Variants in CHN2 observed in about 807,000 individuals in gnomAD.
CHN2 encodes chimerin 2, also known as beta-chimaerin.
In CHN2, 35 loss-of-function variants were observed where a neutral mutation model predicts 56.3. The ratio of observed to expected loss-of-function variants is 0.62; its 90% confidence interval spans 0.47 to 0.82. CHN2 has a LOEUF of 0.82. Ranked by LOEUF, CHN2 falls within the 40% of genes least tolerant of loss-of-function variation. CHN2 has a pLI of 0.00. For missense variants in CHN2, 491 were observed against 580.5 expected (o/e 0.85, Z 1.58); for synonymous variants, 210 against 212.8 (o/e 0.99, Z 0.12).
At chr7:29,278,127 C>G (rs186217914) in intron 1 of CHN2, among the ~76,000 whole-genome samples, 1 of 152,264 alleles carries the variant, frequency 6.6e-6, no homozygotes, top group Non-Finnish European at 1.5e-5. Flanking sequence ...TTCAGCTGCC[C>G]CTTGGAGTCA....
chr7:29,252,838 A>G (rs1015999531), intron 1 of CHN2, among the ~76,000 whole-genome samples: 2 of 130,484 alleles, frequency 1.5e-5, no homozygotes, highest in Non-Finnish European at 3.3e-5. Context: ...CTCATGATCC[A>G]CCCGCCTCGG....
At chr7:29,251,500 G>A (rs1440172906) in intron 1 of CHN2, among the ~76,000 whole-genome samples, 2 of 152,104 alleles carry the variant, frequency 1.3e-5, no homozygotes, top group Non-Finnish European at 2.9e-5. Flanking sequence ...TAAAATACCT[G>A]CCTTCTAATA....
chr7:29,183,304 G>A (rs978188090), intron 2 of CHN2, among the ~76,000 whole-genome samples: 5 of 150,810 alleles, frequency 3.3e-5, no homozygotes, highest in Non-Finnish European at 5.9e-5. Context: ...GGCTGGTCTC[G>A]AACTCCCGAT....
At chr7:29,469,534 C>T (rs1187171829) in intron 6 of CHN2, among the ~76,000 whole-genome samples, 2 of 152,198 alleles carry the variant, frequency 1.3e-5, no homozygotes, top group African/African-American at 2.4e-5. Context: ...TTTCTGGAGC[C>T]TACCATGCTT....
intron 2 of CHN2, chr7:29,185,694 G>A (rs955880686): frequency 1.3e-5 from 2 of 152,098 alleles, no homozygotes; most frequent in Non-Finnish European, 2.9e-5. Context: ...TCGGCATTGG[G>A]ATTTCTAAAA....
intron 1 of CHN2, among the ~76,000 whole-genome samples, chr7:29,297,498 G>C (rs1793271657): frequency 6.6e-6 from 1 of 152,206 alleles, no homozygotes; most frequent in African/African-American, 2.4e-5. Flanking sequence ...CTGGTTGCGT[G>C]ATCATTTGGA....
intron 7 of CHN2, among the ~76,000 whole-genome samples, chr7:29,494,989 C>CATTTCTTTTG (rs1789112386): frequency 1.0e-5 from 1 of 97,008 alleles, no homozygotes. Context: ...AAATTGTCTA[C>CATTTCTTTTG]ATTTCTTTTG....
At chr7:29,231,433 T>C (rs191928074) in intron 1 of CHN2, among the ~76,000 whole-genome samples, 263 of 152,314 alleles carry the variant, frequency 1.7e-3, no homozygotes, top group African/African-American at 6.1e-3. Context: ...TACGTATCTG[T>C]CTTTACCGCA....
chr7:29,241,935 G>A (rs1253214771), intron 1 of CHN2, among the ~76,000 whole-genome samples: 1 of 152,160 alleles, frequency 6.6e-6, no homozygotes, highest in East Asian at 1.9e-4. Flanking sequence ...AAAGTTTGAT[G>A]TAATCTTCAT....
chr7:29,413,524 T>C (rs1245709595), intron 6 of CHN2, among the ~76,000 whole-genome samples: 1 of 152,246 alleles, frequency 6.6e-6, no homozygotes, highest in East Asian at 1.9e-4. Flanking sequence ...AGAAAGAACA[T>C]TACATGTATT....
intron 6 of CHN2, among the ~76,000 whole-genome samples, chr7:29,444,928 T>C (rs1783924266): frequency 6.6e-6 from 1 of 152,188 alleles, no homozygotes; most frequent in Non-Finnish European, 1.5e-5. Flanking sequence ...TTGAAGACAC[T>C]TTAGGAGGAT....
intron 2 of CHN2, 25 bp downstream of exon 2, chr7:29,354,688 C>G: frequency 6.2e-7 from 1 of 1,609,872 alleles, no homozygotes; most frequent in Admixed American, 1.7e-5. Context: ...TGAAAATCTC[C>G]CCAGAAGTCG....
At chr7:29,155,675 G>A (rs1347950448) in intron 2 of CHN2, among the ~76,000 whole-genome samples, 3 of 152,130 alleles carry the variant, frequency 2.0e-5, no homozygotes, top group Non-Finnish European at 2.9e-5. Context: ...TCCAATCATC[G>A]TCCTGCTTCC....
chr7:29,363,369 C>T (rs1385919090), intron 2 of CHN2, among the ~76,000 whole-genome samples: 1 of 152,182 alleles, frequency 6.6e-6, no homozygotes, highest in Admixed American at 6.5e-5. Context: ...CCTGTAGTCC[C>T]AGCTACTCGG....
chr7:29,309,458 C>T (rs1288983802), intron 1 of CHN2, among the ~76,000 whole-genome samples: 2 of 152,182 alleles, frequency 1.3e-5, no homozygotes, highest in Admixed American at 6.5e-5. Flanking sequence ...ACCACCTGTT[C>T]CTATTAATAT....
intron 1 of CHN2, among the ~76,000 whole-genome samples, chr7:29,324,619 TTA>T (rs369042441): frequency 6.2e-4 from 94 of 152,120 alleles, no homozygotes; most frequent in African/African-American, 2.1e-3. Flanking sequence ...TTTTTTTTTT[TTA>T]ATTTTTGACA....
intron 6 of CHN2, among the ~76,000 whole-genome samples, chr7:29,471,666 G>A (rs913409933): frequency 6.6e-6 from 1 of 152,124 alleles, no homozygotes; most frequent in Non-Finnish European, 1.5e-5. Flanking sequence ...TCTGTCCCTG[G>A]AGAATAATCG....
chr7:29,512,925 G>T lies in CHN2; in HGVS notation c.*190G>T. The T allele has an allele frequency of 1.9e-6, 1 of 534,914 alleles. No individual in the cohort carries two copies. The allele number at this position is 534,914 out of a possible 1,614,324, so 33.1% of individuals were successfully genotyped here. A position where few individuals can be genotyped will look rare whatever the true frequency, so the allele number is the denominator to read the frequency against. On this transcript the variant is annotated 3_prime_UTR_variant, in exon 13 of 13. Coordinates refer to ENST00000222792, the MANE Select transcript of CHN2 (RefSeq NM_004067.4). ...ACCTCCACGTGAGAACAAGGGTGAA[G>T]GTGAGGGAAGCCCCTCACCTTGGGT...
upstream of CHN2, chr7:29,193,348 C>G (rs39049): frequency 0.98 from 148,671 of 152,314 alleles, 72,573 homozygotes; most frequent in East Asian, 1. Flanking sequence ...TATGTTAGGT[C>G]CTTGGTTGAT....
Sources: gnomAD v4.1 joint callset for allele counts (sites outside exome capture counted in the v4.1 genomes callset) on GRCh38, gnomAD v4.1.1 for gene constraint, MANE v1.5 for transcripts, NCBI Gene and HGNC (gene_info 2026-07-23, HGNC 2026-07-21) for gene names.